The following MRPL48 variants were observed in gnomAD, a reference collection of about 807,000 sequenced individuals.
MRPL48 encodes the protein large ribosomal subunit protein mL48.
In MRPL48, 16 loss-of-function variants were observed where a neutral mutation model predicts 32.9. The ratio of observed to expected loss-of-function variants is 0.49; its 90% CI spans 0.33 to 0.74. The LOEUF (loss-of-function observed/expected upper bound fraction) is 0.74. Among genes scored for constraint, MRPL48 ranks in the 30% least tolerant of loss-of-function variants. The pLI is 0.02. For synonymous variants in MRPL48, 94 were observed against 89.2 expected (o/e 1.05, Z -0.31); for missense variants, 206 against 245.3 (o/e 0.84, Z 1.07).
intron 3 of MRPL48, among the ~76,000 whole-genome samples, chr11:73,808,866 T>G (rs2134970632): frequency 6.6e-6 from 1 of 150,894 alleles, no homozygotes; most frequent in East Asian, 2.0e-4. Context: ...GAGGTTGCAG[T>G]GAGCTGAGAT....
chr11:73,826,561 C>G (rs1947893401), intron 4 of MRPL48, among the ~76,000 whole-genome samples: 1 of 152,092 alleles, frequency 6.6e-6, no homozygotes, highest in African/African-American at 2.4e-5. Flanking sequence ...TCACTGCAAC[C>G]TTTGGCTCCC....
chr11:73,808,518 T>C (rs1274190675), intron 3 of MRPL48, among the ~76,000 whole-genome samples, 168 bp downstream of exon 3: 1 of 152,144 alleles, frequency 6.6e-6, no homozygotes, highest in African/African-American at 2.4e-5. Flanking sequence ...GAACATCAAG[T>C]AGTGGCTAAG....
chr11:73,858,218 G>C (rs7119014), intron 5 of MRPL48, among the ~76,000 whole-genome samples: 8,576 of 152,310 alleles, frequency 0.056, 269 homozygotes, highest in Middle Eastern at 0.1. Context: ...GGAGATCAGA[G>C]ATAATGCTGA....
At chr11:73,804,537 TG>T (rs1173901033) in intron 1 of MRPL48, among the ~76,000 whole-genome samples, 4 of 152,206 alleles carry the variant, frequency 2.6e-5, no homozygotes, top group African/African-American at 9.6e-5. Context: ...CCCAAAGTGC[TG>T]GGATTACAGG....
intron 3 of MRPL48, among the ~76,000 whole-genome samples, chr11:73,814,258 C>T (rs977290631): frequency 1.3e-4 from 19 of 151,462 alleles, no homozygotes; most frequent in African/African-American, 3.9e-4. Flanking sequence ...GGTGGGATAG[C>T]GAGTGCCTGT....
At chr11:73,852,275 ATAAT>A (rs1948408125) in intron 5 of MRPL48, among the ~76,000 whole-genome samples, 9 of 152,186 alleles carry the variant, frequency 5.9e-5, no homozygotes, top group Admixed American at 2.0e-4. Flanking sequence ...TACACTTGAA[ATAAT>A]ATGTGGTTAA....
At chr11:73,812,742 T>TATATATATATATATATATATATATA (rs1379687569) in intron 3 of MRPL48, among the ~76,000 whole-genome samples, 1 of 103,078 alleles carries the variant, frequency 9.7e-6, no homozygotes, top group African/African-American at 4.6e-5. Flanking sequence ...ATATATATAT[T>TATATATATATATATATATATATATA]TATTTATTTA....
intron 4 of MRPL48, among the ~76,000 whole-genome samples, chr11:73,830,108 C>G (rs1189148923): frequency 6.6e-6 from 1 of 152,136 alleles, no homozygotes; most frequent in African/African-American, 2.4e-5. Context: ...ATTATGAGGT[C>G]CCTAAGGGTA....
chr11:73,798,828 A>G (rs1489400208), intron 1 of MRPL48, among the ~76,000 whole-genome samples: 3 of 151,982 alleles, frequency 2.0e-5, no homozygotes, highest in Non-Finnish European at 2.9e-5. Flanking sequence ...CGTCTCTACT[A>G]AAAATACAAA....
chr11:73,841,141 T>C (rs1565104245), intron 4 of MRPL48, among the ~76,000 whole-genome samples: 1 of 152,228 alleles, frequency 6.6e-6, no homozygotes. Flanking sequence ...TATACTGTTT[T>C]CTAAGTGTTA....
rs117484183 is a variant in MRPL48, at chr11:73,856,853, G to A, written c.372-3054G>A. Among the ~76,000 whole-genome samples, 319 of 151,848 alleles carry A rather than the reference G, an allele frequency of 2.1e-3. 1 individual carries two copies. Among genetic ancestry groups the A allele is most frequent in the Non-Finnish European group, 4.0e-3 (273 of 67,968 alleles). On this transcript the variant is annotated intron_variant, in intron 5 of 7. Coordinates refer to ENST00000310614, the MANE Select transcript of MRPL48 (RefSeq NM_016055.6). Reference sequence around the variant, plus strand: ...TTTACTGTCTGATCATCAAAGCAATGTTTATTGCAGAAAATTTGGAAGGTA... The same window carrying A: ...TTTACTGTCTGATCATCAAAGCAATATTTATTGCAGAAAATTTGGAAGGTA...
rs1468695093 is a variant in MRPL48 at position 73,846,668 on chromosome 11, T to C, written c.371+1692T>C. ...ACCACTGTGCCCACCTCCTTTCTTTTTTTTTTTTTTCTTTTAGAGACATGG... is the reference window on the plus strand; with the variant it reads ...ACCACTGTGCCCACCTCCTTTCTTTCTTTTTTTTTTCTTTTAGAGACATGG... On this transcript the variant is annotated intron_variant, in intron 5 of 7. Coordinates refer to ENST00000310614, the MANE Select transcript of MRPL48 (RefSeq NM_016055.6). Among the ~76,000 whole-genome samples, 3 of 151,634 alleles carry C rather than the reference T, an allele frequency of 2.0e-5. No homozygotes were observed. The East Asian group carries it at 5.8e-4, about 29-fold the overall frequency.
chr11:73,807,309 C>T (rs897492936), intron 2 of MRPL48, among the ~76,000 whole-genome samples: 2 of 152,036 alleles, frequency 1.3e-5, no homozygotes, highest in South Asian at 2.1e-4. Flanking sequence ...CCGAACTACT[C>T]GGCACTCATG....
At chr11:73,809,817 G>T (rs1230904525) in intron 3 of MRPL48, among the ~76,000 whole-genome samples, 2 of 152,228 alleles carry the variant, frequency 1.3e-5, no homozygotes, top group African/African-American at 2.4e-5. Flanking sequence ...GTAAGGAAGG[G>T]AACTAACATT....
intron 3 of MRPL48, among the ~76,000 whole-genome samples, chr11:73,818,966 C>A (rs1360419668): frequency 6.6e-6 from 1 of 152,110 alleles, no homozygotes; most frequent in African/African-American, 2.4e-5. Flanking sequence ...TTGTGTCTTT[C>A]TTTAGTAAGG....
intron 4 of MRPL48, among the ~76,000 whole-genome samples, chr11:73,827,905 G>GA (rs1177671836): frequency 6.6e-6 from 1 of 152,176 alleles, no homozygotes. Context: ...TAGGAACAAG[G>GA]AAACTTGTGT....
At chr11:73,836,875 A>G (rs1456938084) in intron 4 of MRPL48, among the ~76,000 whole-genome samples, 5 of 152,220 alleles carry the variant, frequency 3.3e-5, no homozygotes, top group African/African-American at 1.2e-4. Context: ...TTAGGATTTG[A>G]GGTCAGATTT....
chr11:73,856,929 C>A (rs55987259), intron 5 of MRPL48, among the ~76,000 whole-genome samples: 1 of 152,158 alleles, frequency 6.6e-6, no homozygotes, highest in Admixed American at 6.6e-5. Flanking sequence ...AAAACCCATA[C>A]GTACTTTTAC....
chr11:73,817,758 T>C, intron 3 of MRPL48: 1 of 339,310 alleles, frequency 2.9e-6, no homozygotes, highest in Non-Finnish European at 5.8e-6. Flanking sequence ...CACAGTTTTG[T>C]TGGTATTTTT....
Sources: allele counts gnomAD v4.1 joint callset (sites outside exome capture counted in the v4.1 genomes callset), GRCh38; gene constraint gnomAD v4.1.1; transcripts MANE v1.5; gene names NCBI Gene and HGNC (gene_info 2026-07-23, HGNC 2026-07-21).